Variants in LDLRAP1 observed in about 807,000 individuals in gnomAD.
LDLRAP1 encodes the protein low density lipoprotein receptor adapter protein 1.
In LDLRAP1, 30 loss-of-function variants were observed where a neutral mutation model predicts 37.8. The observed-to-expected ratio is 0.79, with a 90% CI of 0.59 to 1.08. LDLRAP1 has a LOEUF of 1.08. LDLRAP1 is among the 50% of genes least tolerant of loss of function. LDLRAP1 has a pLI of 0.00. For missense variants in LDLRAP1, 375 were observed against 401.6 expected, an observed-to-expected ratio of 0.93 and a Z score of 0.57; for synonymous variants, 156 against 169.8, an observed-to-expected ratio of 0.92 and a Z score of 0.63.
At chr1:25,573,453 G>A (rs1219038365), downstream of LDLRAP1, among the ~76,000 whole-genome samples, 1 of 152,168 alleles carries the variant, frequency 6.6e-6, no homozygotes, top group Non-Finnish European at 1.5e-5. Flanking sequence ...GCATCCCGGG[G>A]CAGAGCTGGC....
chr1:25,574,331 G>A, the LDLRAP1 span, among the ~76,000 whole-genome samples: 1 of 152,336 alleles, frequency 6.6e-6, no homozygotes, highest in East Asian at 1.9e-4. Flanking sequence ...CACGAAGGCT[G>A]CACAGCCAGG....
intron 5 of LDLRAP1, 130 bp downstream of exon 5, chr1:25,562,846 C>T: frequency 1.2e-6 from 1 of 853,830 alleles, no homozygotes; most frequent in Non-Finnish European, 1.9e-6. Flanking sequence ...GGTCCCTTCA[C>T]CGCTCAGAGT....
chr1:25,571,980 G>A (rs868189927), downstream of LDLRAP1, among the ~76,000 whole-genome samples: 7 of 152,176 alleles, frequency 4.6e-5, no homozygotes, highest in Admixed American at 1.3e-4. Context: ...GAAAGTCCCC[G>A]GGCATGAGCT....
chr1:25,567,060 A>G lies in LDLRAP1; in HGVS notation c.*68A>G, dbSNP rs952849934. On this transcript the variant is annotated 3_prime_UTR_variant, in exon 9 of 9. Coordinates refer to ENST00000374338, the MANE Select transcript of LDLRAP1 (RefSeq NM_015627.3). ...GGACCAAAGCCACCTGCTGCGGGGG[A>G]GCCAGTTCTGGGGCCCGCCTGCCAC... 179 of 1,598,758 alleles carry G rather than the reference A, an allele frequency of 1.1e-4. No homozygotes were observed. Among genetic ancestry groups the G allele is most frequent in the Non-Finnish European group, 1.4e-4 (166 of 1,170,312 alleles).
downstream of LDLRAP1, among the ~76,000 whole-genome samples, chr1:25,571,836 G>A (rs1357608541): frequency 6.6e-6 from 1 of 152,222 alleles, no homozygotes; most frequent in Non-Finnish European, 1.5e-5. Flanking sequence ...TGTGGGCTGT[G>A]TCATGAATCC....
At chr1:25,580,079 C>T in the LDLRAP1 span, among the ~76,000 whole-genome samples, 2 of 152,172 alleles carry the variant, frequency 1.3e-5, no homozygotes, top group African/African-American at 2.4e-5. Flanking sequence ...GAACAGCTGT[C>T]GAGGGAGGCT....
intron 5 of LDLRAP1, 25 bp downstream of exon 5, chr1:25,562,741 G>A (rs775177099): frequency 5.0e-6 from 8 of 1,606,078 alleles, no homozygotes; most frequent in Non-Finnish European, 4.3e-6. Flanking sequence ...CTACATTGTG[G>A]GTGTGGTGGG....
At chr1:25,565,354 G>A in intron 8 of LDLRAP1, 147 bp downstream of exon 8, 1 of 891,806 alleles carries the variant, frequency 1.1e-6, no homozygotes, top group East Asian at 2.5e-5. Context: ...CCACTCAAAT[G>A]CTTCCAGGGG....
At chr1:25,545,392 C>T (rs900672861) in intron 1 of LDLRAP1, among the ~76,000 whole-genome samples, 3 of 152,208 alleles carry the variant, frequency 2.0e-5, no homozygotes, top group African/African-American at 7.2e-5. Flanking sequence ...GAGCAAGTCA[C>T]TTGTCCTTTC....
intron 1 of LDLRAP1, among the ~76,000 whole-genome samples, chr1:25,549,466 G>A (rs1572025327): frequency 6.6e-6 from 1 of 152,238 alleles, no homozygotes; most frequent in Non-Finnish European, 1.5e-5. Context: ...TGACTCCCGG[G>A]TGGTTGGGGG....
the LDLRAP1 span, among the ~76,000 whole-genome samples, chr1:25,584,171 C>T: frequency 0.049 from 7,495 of 151,914 alleles, 615 homozygotes; most frequent in African/African-American, 0.17. Flanking sequence ...TTGGAGGTCC[C>T]GTGGGGGCCT....
the LDLRAP1 span, among the ~76,000 whole-genome samples, chr1:25,582,312 C>T: frequency 1.1e-3 from 175 of 152,292 alleles, no homozygotes; most frequent in South Asian, 7.2e-3. Flanking sequence ...ATGGTCTGGG[C>T]GTGGTGGCTC....
At chr1:25,571,740 A>C (rs2044606965), downstream of LDLRAP1, among the ~76,000 whole-genome samples, 1 of 152,160 alleles carries the variant, frequency 6.6e-6, no homozygotes, top group South Asian at 2.1e-4. Context: ...TTGCTTAGGA[A>C]CTTCTGAACC....
chr1:25,558,077 G>A (rs937915063), intron 4 of LDLRAP1, among the ~76,000 whole-genome samples: 1 of 152,118 alleles, frequency 6.6e-6, no homozygotes, highest in African/African-American at 2.4e-5. Context: ...GAACCTTGGT[G>A]GTCACGGGGG....
chr1:25,546,739 A>T (rs1329294508), intron 1 of LDLRAP1, among the ~76,000 whole-genome samples: 1 of 152,204 alleles, frequency 6.6e-6, no homozygotes, highest in Non-Finnish European at 1.5e-5. Flanking sequence ...GGGAGGGAGG[A>T]TATAATCATA....
At chr1:25,560,933 A>T (rs527624406) in intron 4 of LDLRAP1, among the ~76,000 whole-genome samples, 27 of 152,270 alleles carry the variant, frequency 1.8e-4, no homozygotes, top group Non-Finnish European at 3.5e-4. Context: ...GTCCCTGCCC[A>T]GCCTGGGCTT....
chr1:25,580,632 C>G, the LDLRAP1 span, among the ~76,000 whole-genome samples: 1 of 152,164 alleles, frequency 6.6e-6, no homozygotes, highest in Non-Finnish European at 1.5e-5. Context: ...CCTCAGCCCC[C>G]CAAGTAGCTG....
chr1:25,548,786 G>A (rs921045713), intron 1 of LDLRAP1, among the ~76,000 whole-genome samples: 8 of 152,206 alleles, frequency 5.3e-5, no homozygotes, highest in African/African-American at 1.4e-4. Context: ...GGATCCTCCT[G>A]GGTAGCTAGA....
At chr1:25,584,034 C>T in the LDLRAP1 span, among the ~76,000 whole-genome samples, 1 of 152,150 alleles carries the variant, frequency 6.6e-6, no homozygotes, top group Non-Finnish European at 1.5e-5. Context: ...AGGGGCTTGA[C>T]GGGCAATATC....
Sources: gnomAD v4.1 joint callset for allele counts (sites outside exome capture counted in the v4.1 genomes callset) on GRCh38, gnomAD v4.1.1 for gene constraint, MANE v1.5 for transcripts, NCBI Gene and HGNC (gene_info 2026-07-23, HGNC 2026-07-21) for gene names.